The following GRK7 variants were observed in gnomAD, a reference collection of about 807,000 sequenced individuals.
GRK7 encodes the protein rhodopsin kinase GRK7.
In GRK7, 24 loss-of-function variants were observed where a neutral mutation model predicts 34.1. The ratio of observed to expected loss-of-function variants is 0.70; its 90% CI spans 0.51 to 0.99. The LOEUF is 0.99. Ranked by LOEUF, GRK7 falls within the 50% of genes least tolerant of loss-of-function variation. The pLI is 0.00. For missense variants in GRK7, 644 were observed against 707.3 expected (o/e 0.91, Z 1.02); for synonymous variants, 256 against 279.4 (o/e 0.92, Z 0.84).
upstream of GRK7, among the ~76,000 whole-genome samples, chr3:141,762,641 A>G (rs1280882575): frequency 1.3e-5 from 2 of 151,810 alleles, no homozygotes; most frequent in Admixed American, 6.6e-5. Flanking sequence ...GGTGGGCTCC[A>G]CCCAGTTGGA....
Position 141,819,215 on chromosome 3 carries a change from A to G in GRK7, c.*2165A>G, listed in dbSNP as rs1280028673. On this transcript the variant is annotated 3_prime_UTR_variant, in exon 6 of 6. Transcript: ENST00000682958. ...TAGACGTTAGACATTTAAAAACAACATTGGTTATTTGTTGATTATGCCTTA... is the reference window on the plus strand; with the variant it reads ...TAGACGTTAGACATTTAAAAACAACGTTGGTTATTTGTTGATTATGCCTTA... 1.3e-5 allele frequency among the ~76,000 whole-genome samples: 2 copies of G among 152,192 alleles called. No individual in the cohort carries two copies. The highest frequency in any genetic ancestry group is 2.4e-5 in the African/African-American group (1 of 41,444).
intron 5 of GRK7, among the ~76,000 whole-genome samples, chr3:141,816,475 A>G (rs1711154234): frequency 6.6e-6 from 1 of 152,220 alleles, no homozygotes; most frequent in African/African-American, 2.4e-5. Flanking sequence ...TCACTGTTTA[A>G]AAATTGCATC....
upstream of GRK7, among the ~76,000 whole-genome samples, chr3:141,762,902 G>A (rs1380995282): frequency 4.6e-5 from 7 of 151,726 alleles, no homozygotes; most frequent in East Asian, 3.9e-4. Flanking sequence ...AGGTGCGTCC[G>A]TCACTCCTTT....
chr3:141,768,488 C>A (rs1344602035), intron 1 of GRK7, among the ~76,000 whole-genome samples: 1 of 152,082 alleles, frequency 6.6e-6, no homozygotes, highest in Non-Finnish European at 1.5e-5. Flanking sequence ...CCATGTTGGC[C>A]GGGCTGGTCT....
chr3:141,784,050 A>G (rs1016370299), intron 4 of GRK7, among the ~76,000 whole-genome samples: 2 of 152,146 alleles, frequency 1.3e-5, no homozygotes, highest in African/African-American at 4.8e-5. Context: ...CATGTATCAC[A>G]CTAATTGTTG....
upstream of GRK7, among the ~76,000 whole-genome samples, chr3:141,762,802 G>A (rs929674686): frequency 2.6e-5 from 4 of 152,202 alleles, no homozygotes; most frequent in Admixed American, 6.5e-5. Flanking sequence ...AGGACCCTCC[G>A]AGCCAGGTGA....
intron 4 of GRK7, among the ~76,000 whole-genome samples, chr3:141,789,655 G>GAAAAAA (rs1559843385): frequency 2.0e-4 from 11 of 53,922 alleles, no homozygotes; most frequent in Middle Eastern, 0.01. Context: ...TGCCAAATGG[G>GAAAAAA]CAAAAAAAAA....
intron 5 of GRK7, among the ~76,000 whole-genome samples, chr3:141,814,289 G>T (rs1477750630): frequency 6.6e-6 from 1 of 152,118 alleles, no homozygotes; most frequent in African/African-American, 2.4e-5. Flanking sequence ...AAGACATATT[G>T]TGTAATGCTG....
intron 5 of GRK7, among the ~76,000 whole-genome samples, chr3:141,815,699 C>CTG (rs61336912): frequency 0.13 from 18,469 of 145,830 alleles, 1,206 homozygotes; most frequent in Non-Finnish European, 0.14. Context: ...CTATTTTGAG[C>CTG]TGTGTGTGTG....
intron 4 of GRK7, among the ~76,000 whole-genome samples, chr3:141,806,190 A>G (rs1482787995): frequency 1.3e-5 from 2 of 152,152 alleles, no homozygotes; most frequent in African/African-American, 4.8e-5. Flanking sequence ...CATACTCCAC[A>G]GTTAAATAAT....
intron 4 of GRK7, among the ~76,000 whole-genome samples, chr3:141,784,561 T>C (rs563142439): frequency 1.3e-5 from 2 of 152,314 alleles, no homozygotes; most frequent in African/African-American, 4.8e-5. Flanking sequence ...TAGTTTCCTA[T>C]TCATTGCAGC....
chr3:141,759,121 T>A (rs1347679768), upstream of GRK7, among the ~76,000 whole-genome samples: 4 of 143,846 alleles, frequency 2.8e-5, no homozygotes, highest in Non-Finnish European at 6.1e-5. Flanking sequence ...TTTGACTTCC[T>A]CTTTTCCTAA....
chr3:141,764,641 C>T lies in GRK7; in HGVS notation c.-1312C>T, dbSNP rs1361557507. Reference sequence around the variant, plus strand: ...AGTGATCACACCCAGTCCTGTGGCTCTAAAGGCCATTTATATCTGGGGTGA... The same window carrying T: ...AGTGATCACACCCAGTCCTGTGGCTTTAAAGGCCATTTATATCTGGGGTGA... On this transcript the variant is annotated 5_prime_UTR_variant, in exon 1 of 6. Transcript: ENST00000682958. Among the ~76,000 whole-genome samples the T allele has an allele frequency of 2.6e-5, 4 of 152,184 alleles. No homozygotes were observed. Among genetic ancestry groups the T allele is most frequent in the Non-Finnish European group, 4.4e-5 (3 of 68,044 alleles).
At chr3:141,760,408 C>A (rs2084550234), upstream of GRK7, among the ~76,000 whole-genome samples, 1 of 140,134 alleles carries the variant, frequency 7.1e-6, no homozygotes, top group Non-Finnish European at 1.5e-5. Context: ...GTTCAGTTTC[C>A]ATGTAGTTGA....
chr3:141,799,722 A>G (rs1710931716), intron 4 of GRK7, among the ~76,000 whole-genome samples: 1 of 152,170 alleles, frequency 6.6e-6, no homozygotes, highest in African/African-American at 2.4e-5. Flanking sequence ...ACGCTATCTC[A>G]TAGGGTTACT....
rs569061241 is a variant in GRK7, at chr3:141,783,807, T to A, written c.1050+2996T>A. Among the ~76,000 whole-genome samples the A allele has an allele frequency of 9.2e-5, 14 of 151,948 alleles. 1 individual carries two copies. The highest frequency in any genetic ancestry group is 3.4e-4 in the African/African-American group (14 of 41,436). ...AAAGACAGTAGATGATGGCAGAGAA[T>A]GTGGGGAGGAGCTGAAGTAACACCG... On this transcript the variant is annotated intron_variant, in intron 4 of 5. Transcript: ENST00000682958.
At chr3:141,814,428 CA>C (rs1711126455) in intron 5 of GRK7, among the ~76,000 whole-genome samples, 1 of 152,108 alleles carries the variant, frequency 6.6e-6, no homozygotes, top group African/African-American at 2.4e-5. Context: ...TCTTTATGTC[CA>C]TGTTTACCCA....
chr3:141,786,631 A>T (rs959012536), intron 4 of GRK7, among the ~76,000 whole-genome samples: 1 of 152,136 alleles, frequency 6.6e-6, no homozygotes, highest in African/African-American at 2.4e-5. Flanking sequence ...CAAAAAAATT[A>T]GCTGGGCATG....
At chr3:141,793,616 G>C (rs2084735877) in intron 4 of GRK7, among the ~76,000 whole-genome samples, 2 of 152,262 alleles carry the variant, frequency 1.3e-5, no homozygotes, top group Admixed American at 1.3e-4. Flanking sequence ...AAATTGAGGT[G>C]GGGTCCAGAC....
Sources: gnomAD v4.1 joint callset for allele counts (sites outside exome capture counted in the v4.1 genomes callset) on GRCh38, gnomAD v4.1.1 for gene constraint, MANE v1.5 for transcripts, NCBI Gene and HGNC (gene_info 2026-07-23, HGNC 2026-07-21) for gene names.